The following TDRD3 variants were observed in gnomAD, a reference collection of about 807,000 sequenced individuals.
TDRD3 encodes the protein tudor domain containing 3.
TDRD3 carries 45 observed loss-of-function variants against 86.7 expected under a neutral mutation model. That is an observed-to-expected ratio of 0.52 (90% confidence interval 0.41 to 0.67). The LOEUF is 0.67. TDRD3 is among the 30% of genes least tolerant of loss of function. The pLI is 0.00. For synonymous variants in TDRD3, 298 were observed against 301.7 expected (o/e 0.99, Z 0.13); for missense variants, 814 against 889.0 (o/e 0.92, Z 1.07).
At chr13:60,559,257 T>G (rs1318689052) in intron 12 of TDRD3, among the ~76,000 whole-genome samples, 2 of 152,130 alleles carry the variant, frequency 1.3e-5, no homozygotes, top group Non-Finnish European at 1.5e-5. Flanking sequence ...TAGAAAAGAT[T>G]AGTAACGTGC....
chr13:60,407,213 A>G (rs1954255925), intron 1 of TDRD3, among the ~76,000 whole-genome samples: 1 of 152,178 alleles, frequency 6.6e-6, no homozygotes, highest in Non-Finnish European at 1.5e-5. Flanking sequence ...TCTGTAAGGG[A>G]AAGATCAAGT....
At chr13:60,452,169 G>C (rs1955563738) in intron 3 of TDRD3, among the ~76,000 whole-genome samples, 1 of 151,788 alleles carries the variant, frequency 6.6e-6, no homozygotes, top group Non-Finnish European at 1.5e-5. Context: ...CACAACCCTG[G>C]GTATATCTCT....
chr13:60,512,305 G>C (rs1372960813), intron 10 of TDRD3, among the ~76,000 whole-genome samples: 1 of 152,082 alleles, frequency 6.6e-6, no homozygotes, highest in Non-Finnish European at 1.5e-5. Context: ...ACCTCCCACT[G>C]GGTCCCTCCC....
intron 13 of TDRD3, among the ~76,000 whole-genome samples, chr13:60,571,345 A>G (rs143861758): frequency 4.6e-4 from 70 of 152,356 alleles, no homozygotes; most frequent in African/African-American, 8.2e-4. Context: ...TTCTTGAGAT[A>G]AAAGATATTT....
intron 3 of TDRD3, among the ~76,000 whole-genome samples, chr13:60,453,722 C>G (rs1275451081): frequency 1.3e-5 from 2 of 152,172 alleles, no homozygotes; most frequent in African/African-American, 4.8e-5. Context: ...TGGTGAGGTA[C>G]TGTAGAGCTA....
intron 10 of TDRD3, among the ~76,000 whole-genome samples, chr13:60,514,130 G>A (rs1444782646): frequency 6.6e-6 from 1 of 152,222 alleles, no homozygotes; most frequent in East Asian, 1.9e-4. Flanking sequence ...GTCTCAGATG[G>A]AGATGAGGAA....
chr13:60,495,580 C>T (rs1396750343), intron 8 of TDRD3, among the ~76,000 whole-genome samples: 3 of 151,994 alleles, frequency 2.0e-5, no homozygotes, highest in Non-Finnish European at 4.4e-5. Flanking sequence ...TCTCCTCTCT[C>T]AGCCTCTTGA....
intron 10 of TDRD3, 110 bp downstream of exon 10, chr13:60,510,865 A>T: frequency 9.4e-7 from 1 of 1,063,366 alleles, no homozygotes; most frequent in Non-Finnish European, 1.3e-6. Context: ...ATTGTAGTGT[A>T]AAACAACTAT....
chr13:60,495,908 G>A (rs1050806092), intron 8 of TDRD3, among the ~76,000 whole-genome samples: 2 of 151,986 alleles, frequency 1.3e-5, no homozygotes, highest in African/African-American at 2.4e-5. Context: ...CTAATCTTGT[G>A]GCCGTGATGG....
chr13:60,480,867 TGG>T (rs1956295548), intron 5 of TDRD3, among the ~76,000 whole-genome samples: 1 of 151,688 alleles, frequency 6.6e-6, no homozygotes, highest in Admixed American at 6.6e-5. Flanking sequence ...TGGTAACAGC[TGG>T]GGCACTGCAG....
upstream of TDRD3, among the ~76,000 whole-genome samples, chr13:60,395,706 T>C (rs56198131): frequency 6.3e-3 from 956 of 152,314 alleles, 1 homozygote; most frequent in Non-Finnish European, 9.9e-3. Flanking sequence ...AACAGAAAAT[T>C]CTAACCGCCA....
chr13:60,431,648 T>A (rs1035801048), intron 1 of TDRD3, among the ~76,000 whole-genome samples: 2 of 150,656 alleles, frequency 1.3e-5, no homozygotes, highest in Non-Finnish European at 3.0e-5. Flanking sequence ...TAAAAATTTT[T>A]TTTTGCATAT....
intron 1 of TDRD3, among the ~76,000 whole-genome samples, chr13:60,402,164 A>G (rs1036134306): frequency 1.3e-5 from 2 of 152,176 alleles, no homozygotes; most frequent in Non-Finnish European, 2.9e-5. Flanking sequence ...AAACACATTA[A>G]TGATCATGAC....
At chr13:60,478,761 T>G (rs1044254957) in intron 5 of TDRD3, among the ~76,000 whole-genome samples, 14 of 151,990 alleles carry the variant, frequency 9.2e-5, no homozygotes, top group Admixed American at 5.9e-4. Flanking sequence ...CTTTTTATTC[T>G]TGTTCTTCTA....
At chr13:60,536,183 A>G (rs1028328633) in intron 12 of TDRD3, 1 of 152,102 alleles carries the variant, frequency 6.6e-6, no homozygotes, top group Non-Finnish European at 1.5e-5. Flanking sequence ...AAAGAGAAAT[A>G]AAACGGCAAC....
At chr13:60,467,814 T>C (rs1955981639) in intron 5 of TDRD3, among the ~76,000 whole-genome samples, 1 of 152,208 alleles carries the variant, frequency 6.6e-6, no homozygotes, top group South Asian at 2.1e-4. Context: ...CTAGTCTCAT[T>C]AGCTAATATT....
At chr13:60,483,654 C>CT (rs903415032) in intron 5 of TDRD3, 121 bp from the exon 6 acceptor site, 627 of 825,992 alleles carry the variant, frequency 7.6e-4, no homozygotes, top group Non-Finnish European at 8.8e-4. Flanking sequence ...CATGGAAGGC[C>CT]TTTTTTTTTC....
chr13:60,402,133 A>G lies in TDRD3; in HGVS notation c.41+4728A>G, dbSNP rs192290762. On this transcript the variant is annotated intron_variant, in intron 1 of 13. Transcript: ENST00000377881. ...GATGAAGGGCTTCTTTTCACATTCC[A>G]TTACATAGAGGCTTCTTCTCAAACA... 2.1e-4 allele frequency among the ~76,000 whole-genome samples: 32 copies of G among 152,302 alleles called. 1 individual carries two copies. Among genetic ancestry groups the G allele is most frequent in the Admixed American group, 1.6e-3 (24 of 15,302 alleles).
intron 3 of TDRD3, among the ~76,000 whole-genome samples, chr13:60,447,656 A>G (rs2137994768): frequency 6.6e-6 from 1 of 152,286 alleles, no homozygotes; most frequent in South Asian, 2.1e-4. Context: ...CCCAAACCCC[A>G]TGCAGAATTC....
Sources: gnomAD v4.1 joint callset for allele counts (sites outside exome capture counted in the v4.1 genomes callset) on GRCh38, gnomAD v4.1.1 for gene constraint, MANE v1.5 for transcripts, NCBI Gene and HGNC (gene_info 2026-07-23, HGNC 2026-07-21) for gene names.